The following CADPS2 variants were observed in gnomAD, a reference collection of about 807,000 sequenced individuals.
The protein encoded by CADPS2 is calcium-dependent secretion activator 2.
In CADPS2, 93 loss-of-function variants were observed where a neutral mutation model predicts 172.5. That is an observed-to-expected ratio of 0.54 (90% CI 0.46 to 0.64). CADPS2 has a LOEUF of 0.64. Ranked by LOEUF, CADPS2 falls within the 30% of genes least tolerant of loss-of-function variation. CADPS2 has a pLI of 0.00. For missense variants in CADPS2, 1,420 were observed against 1,565.9 expected (o/e 0.91, Z 1.57); for synonymous variants, 546 against 555.2 (o/e 0.98, Z 0.23).
At chr7:122,790,397 T>TAAAA (rs71531917) in intron 1 of CADPS2, among the ~76,000 whole-genome samples, 1 of 117,084 alleles carries the variant, frequency 8.5e-6, no homozygotes, top group Non-Finnish European at 1.8e-5. Context: ...ACAGCGTTTC[T>TAAAA]AAAAAAAAAA....
intron 2 of CADPS2, among the ~76,000 whole-genome samples, chr7:122,704,414 T>C (rs2086661920): frequency 6.6e-6 from 1 of 151,976 alleles, no homozygotes; most frequent in Admixed American, 6.6e-5. Context: ...AGTGACAAAT[T>C]GAAGCCTCAT....
At chr7:122,541,710 T>A in intron 8 of CADPS2, among the ~76,000 whole-genome samples, 1 of 146,056 alleles carries the variant, frequency 6.8e-6, no homozygotes, top group South Asian at 2.1e-4. Context: ...TATATTCATA[T>A]ATTTACATAT....
chr7:122,692,249 T>C (rs1448777964), intron 2 of CADPS2, among the ~76,000 whole-genome samples: 1 of 152,058 alleles, frequency 6.6e-6, no homozygotes, highest in East Asian at 2.0e-4. Flanking sequence ...AGGCACCATA[T>C]AAAATGTGTT....
intron 4 of CADPS2, among the ~76,000 whole-genome samples, chr7:122,628,336 G>A (rs1268329740): frequency 6.6e-6 from 1 of 152,048 alleles, no homozygotes; most frequent in Non-Finnish European, 1.5e-5. Context: ...TGCTGGAAGA[G>A]TTCATTATCT....
intron 8 of CADPS2, among the ~76,000 whole-genome samples, chr7:122,550,343 C>T (rs957673395): frequency 6.6e-6 from 1 of 152,182 alleles, no homozygotes; most frequent in Non-Finnish European, 1.5e-5. Context: ...CATGACTCTA[C>T]ACAAAGAGAA....
chr7:122,533,037 T>G (rs560443604), intron 8 of CADPS2, among the ~76,000 whole-genome samples: 8 of 152,016 alleles, frequency 5.3e-5, no homozygotes, highest in Non-Finnish European at 8.8e-5. Flanking sequence ...CCCACCCCCA[T>G]TTTTAGAAAG....
chr7:122,394,886 T>G (rs892791251), intron 20 of CADPS2, among the ~76,000 whole-genome samples: 2 of 152,148 alleles, frequency 1.3e-5, no homozygotes, highest in African/African-American at 2.4e-5. Flanking sequence ...AAAAGGTTAA[T>G]ACTCAGTTGT....
intron 1 of CADPS2, among the ~76,000 whole-genome samples, chr7:122,882,221 T>G (rs572367058): frequency 1.5e-4 from 23 of 152,274 alleles, no homozygotes; most frequent in African/African-American, 5.1e-4. Flanking sequence ...TTCTCAAACT[T>G]AGAATTATCA....
intron 6 of CADPS2, among the ~76,000 whole-genome samples, chr7:122,584,435 T>C (rs2069335192): frequency 6.6e-6 from 1 of 151,986 alleles, no homozygotes; most frequent in East Asian, 1.9e-4. Flanking sequence ...ATCTGTTATG[T>C]CCTTCTTCAT....
chr7:122,884,034 G>C (rs758898423), intron 1 of CADPS2, among the ~76,000 whole-genome samples: 2 of 152,068 alleles, frequency 1.3e-5, no homozygotes, highest in Non-Finnish European at 2.9e-5. Context: ...CTAAGGGAGG[G>C]TCCACTTCAT....
At chr7:122,480,205 TG>T in intron 12 of CADPS2, 1 of 455,350 alleles carries the variant, frequency 2.2e-6, no homozygotes, top group East Asian at 7.1e-5. Flanking sequence ...AAAAAAGAAG[TG>T]GAATAGATTT....
At chr7:122,741,781 A>T (rs189186822) in intron 1 of CADPS2, among the ~76,000 whole-genome samples, 3 of 152,314 alleles carry the variant, frequency 2.0e-5, no homozygotes, top group African/African-American at 7.2e-5. Flanking sequence ...ATAAAAATTG[A>T]AATCAGTGTC....
At chr7:122,469,486 A>G (rs1292516972) in intron 14 of CADPS2, among the ~76,000 whole-genome samples, 1 of 152,126 alleles carries the variant, frequency 6.6e-6, no homozygotes, top group Non-Finnish European at 1.5e-5. Flanking sequence ...ATCAACAGTT[A>G]GCCACCCTGA....
At chr7:122,361,046 T>A (rs1283132560) in intron 25 of CADPS2, 33 bp from the exon 26 acceptor site, 1 of 1,534,318 alleles carries the variant, frequency 6.5e-7, no homozygotes, top group Non-Finnish European at 9.0e-7. Flanking sequence ...ATTTAGAATG[T>A]TACTATGCAT....
intron 7 of CADPS2, among the ~76,000 whole-genome samples, chr7:122,555,547 T>C (rs1475814620): frequency 6.6e-6 from 1 of 152,048 alleles, no homozygotes; most frequent in African/African-American, 2.4e-5. Flanking sequence ...AAACCTGAAG[T>C]TTAGATATGA....
intron 8 of CADPS2, among the ~76,000 whole-genome samples, chr7:122,530,331 T>C (rs182102400): frequency 0.022 from 3,377 of 151,018 alleles, 81 homozygotes; most frequent in East Asian, 0.13. Flanking sequence ...TTTTTTTTTT[T>C]CCCACTAGCT....
intron 2 of CADPS2, among the ~76,000 whole-genome samples, chr7:122,717,645 C>G (rs151045502): frequency 4.1e-4 from 62 of 152,244 alleles, no homozygotes; most frequent in Admixed American, 9.2e-4. Flanking sequence ...CAACCTGCAG[C>G]AACCGAAATC....
intron 5 of CADPS2, among the ~76,000 whole-genome samples, chr7:122,619,353 C>T (rs1053800497): frequency 5.3e-5 from 8 of 151,360 alleles, no homozygotes; most frequent in East Asian, 1.9e-4. Context: ...AGACTAGGCA[C>T]GGTGTCTCAA....
At chr7:122,693,826 C>T (rs556162790) in intron 2 of CADPS2, among the ~76,000 whole-genome samples, 43 of 152,174 alleles carry the variant, frequency 2.8e-4, no homozygotes, top group African/African-American at 9.1e-4. Flanking sequence ...ATTAGCTGGG[C>T]GTGGTGGTGC....
Sources: allele counts gnomAD v4.1 joint callset (sites outside exome capture counted in the v4.1 genomes callset), GRCh38; gene constraint gnomAD v4.1.1; transcripts MANE v1.5; gene names NCBI Gene and HGNC (gene_info 2026-07-23, HGNC 2026-07-21).